Variants in TENM3 observed in about 807,000 individuals in gnomAD.
TENM3 encodes teneurin transmembrane protein 3.
Under a neutral mutation model 255.1 loss-of-function variants are expected in TENM3, and 63 were observed. The ratio of observed to expected loss-of-function variants is 0.25; its 90% CI spans 0.20 to 0.30. TENM3 has a LOEUF of 0.30. Ranked by LOEUF, TENM3 falls within the 10% of genes least tolerant of loss-of-function variation. The pLI is 1.00. For missense variants in TENM3, 2,929 were observed against 3,461.1 expected (o/e 0.85, Z 3.86); for synonymous variants, 1,306 against 1,322.3 (o/e 0.99, Z 0.27).
intron 3 of TENM3, among the ~76,000 whole-genome samples, chr4:182,465,335 T>A (rs934206089): frequency 2.6e-5 from 4 of 152,074 alleles, no homozygotes; most frequent in African/African-American, 9.7e-5. Context: ...CCCGAGGACT[T>A]CAGGAAGGGG....
chr4:182,679,060 G>A (rs1040338083), intron 7 of TENM3, among the ~76,000 whole-genome samples: 4 of 152,212 alleles, frequency 2.6e-5, no homozygotes, highest in African/African-American at 9.6e-5. Flanking sequence ...GGCCTGTCAG[G>A]GTGTCAGGGG....
chr4:181,881,113 C>A, the TENM3 span, among the ~76,000 whole-genome samples: 1 of 152,122 alleles, frequency 6.6e-6, no homozygotes, highest in African/African-American at 2.4e-5. Context: ...CAACCTCCAC[C>A]ACTCTCTCCA....
the TENM3 span, among the ~76,000 whole-genome samples, chr4:181,690,854 G>A: frequency 1.3e-5 from 2 of 152,062 alleles, no homozygotes; most frequent in Non-Finnish European, 2.9e-5. Flanking sequence ...TTGTCATTTT[G>A]CATCTGATTA....
intron 3 of TENM3, among the ~76,000 whole-genome samples, chr4:182,518,252 C>A (rs987090084): frequency 2.5e-4 from 38 of 151,946 alleles, no homozygotes; most frequent in Non-Finnish European, 1.5e-5. Context: ...AGGCAGAATT[C>A]CAAGATGGCC....
At chr4:182,359,347 C>T (rs1341123274) in intron 3 of TENM3, among the ~76,000 whole-genome samples, 2 of 151,646 alleles carry the variant, frequency 1.3e-5, no homozygotes, top group Non-Finnish European at 2.9e-5. Flanking sequence ...TCCATCTGGT[C>T]CTGGACTCTT....
the TENM3 span, among the ~76,000 whole-genome samples, chr4:181,726,053 A>AT: frequency 2.0e-5 from 3 of 152,046 alleles, no homozygotes; most frequent in Admixed American, 6.6e-5. Flanking sequence ...ATGAGAGAGA[A>AT]TTTGATTTTT....
the TENM3 span, among the ~76,000 whole-genome samples, chr4:181,866,488 C>T: frequency 2.0e-5 from 3 of 152,156 alleles, no homozygotes; most frequent in African/African-American, 7.2e-5. Context: ...TATATATTTA[C>T]AATTTATAGC....
the TENM3 span, among the ~76,000 whole-genome samples, chr4:181,734,462 T>TA: frequency 6.6e-6 from 1 of 152,228 alleles, no homozygotes; most frequent in African/African-American, 2.4e-5. Context: ...TTCTTAGTAC[T>TA]AACAATGGAG....
At chr4:182,350,002 G>A in intron 3 of TENM3, 2 of 153,416 alleles carry the variant, frequency 1.3e-5, no homozygotes, top group Non-Finnish European at 1.4e-5. Flanking sequence ...TTCTTCATTT[G>A]AAATAACTGT....
the TENM3 span, among the ~76,000 whole-genome samples, chr4:181,542,488 A>T: frequency 3.9e-5 from 6 of 152,316 alleles, no homozygotes; most frequent in Admixed American, 2.6e-4. Flanking sequence ...AGGAGAAGTA[A>T]GGTTACCTGT....
chr4:181,980,287 G>A, the TENM3 span: 4 of 152,108 alleles, frequency 2.6e-5, no homozygotes, highest in African/African-American at 9.7e-5. Context: ...TATCTTCCTG[G>A]TAACTCATCT....
intron 24 of TENM3, among the ~76,000 whole-genome samples, chr4:182,779,421 G>A: frequency 1.3e-5 from 2 of 152,112 alleles, no homozygotes. Context: ...GTATTCCATG[G>A]TGTATATGTG....
the TENM3 span, among the ~76,000 whole-genome samples, chr4:181,512,682 T>C: frequency 0.18 from 26,809 of 152,162 alleles, 2,892 homozygotes; most frequent in African/African-American, 0.3. Flanking sequence ...TCTGCCACAG[T>C]CTGTGAACCA....
intron 5 of TENM3, among the ~76,000 whole-genome samples, chr4:182,638,267 A>G (rs1283627598): frequency 2.6e-5 from 4 of 152,226 alleles, no homozygotes; most frequent in Admixed American, 2.0e-4. Flanking sequence ...GTTTTTAAAA[A>G]CTGGTAAAGG....
chr4:181,576,162 T>C, the TENM3 span, among the ~76,000 whole-genome samples: 3 of 152,202 alleles, frequency 2.0e-5, no homozygotes, highest in Non-Finnish European at 2.9e-5. Context: ...CGGCCATATG[T>C]ACACATTAAT....
At chr4:182,464,611 G>T (rs901824365) in intron 3 of TENM3, among the ~76,000 whole-genome samples, 1 of 152,092 alleles carries the variant, frequency 6.6e-6, no homozygotes, top group African/African-American at 2.4e-5. Context: ...TATGAACTAG[G>T]TTTATATTAA....
At chr4:181,525,396 C>CAAAAAAAAAAAAAAAAAAAAAAAAAAA in the TENM3 span, among the ~76,000 whole-genome samples, 19 of 97,312 alleles carry the variant, frequency 2.0e-4, no homozygotes, top group Non-Finnish European at 3.3e-4. Flanking sequence ...GACCCTGTTT[C>CAAAAAAAAAAAAAAAAAAAAAAAAAAA]AAAAAAAAAA....
intron 1 of TENM3, among the ~76,000 whole-genome samples, chr4:182,322,679 C>T (rs553791835): frequency 1.3e-5 from 2 of 152,002 alleles, no homozygotes; most frequent in South Asian, 4.1e-4. Context: ...AGTGCATGCT[C>T]GAGAGAGTGG....
At chr4:181,758,430 T>TA in the TENM3 span, among the ~76,000 whole-genome samples, 8 of 152,304 alleles carry the variant, frequency 5.3e-5, no homozygotes, top group East Asian at 1.5e-3. Flanking sequence ...GGGATGCAGA[T>TA]CAGAGCCTTT....
Sources: gnomAD v4.1 joint callset for allele counts (sites outside exome capture counted in the v4.1 genomes callset) on GRCh38, gnomAD v4.1.1 for gene constraint, MANE v1.5 for transcripts, NCBI Gene and HGNC (gene_info 2026-07-23, HGNC 2026-07-21) for gene names.